ADGRG1: variants seen among roughly 807,000 people sequenced by gnomAD.
The protein encoded by ADGRG1 is 7-transmembrane protein with no EGF-like N-terminal domains-1.
ADGRG1 carries 53 observed loss-of-function variants against 73.5 expected under a neutral mutation model. That is an observed-to-expected ratio of 0.72 (90% CI 0.58 to 0.91). ADGRG1 has a LOEUF of 0.91. Among genes scored for constraint, ADGRG1 ranks in the 40% least tolerant of loss-of-function variants. ADGRG1 has a pLI of 0.00. For missense variants in ADGRG1, 795 were observed against 871.8 expected, an observed-to-expected ratio of 0.91 and a Z score of 1.11; for synonymous variants, 394 against 374.4, an observed-to-expected ratio of 1.05 and a Z score of -0.60.
chr16:57,663,179 C>T, intron 13 of ADGRG1: 1 of 797,170 alleles, frequency 1.3e-6, no homozygotes, highest in Non-Finnish European at 1.5e-6. Context: ...TTTACCTGAG[C>T]CTCCTGGGCC....
chr16:57,624,270 T>A, upstream of ADGRG1: 1 of 500,338 alleles, frequency 2.0e-6, no homozygotes, highest in Non-Finnish European at 2.6e-6. Flanking sequence ...GAGGTCAAGG[T>A]GGGAGGATCG....
chr16:57,652,953 C>A, intron 3 of ADGRG1: 1 of 1,378,308 alleles, frequency 7.3e-7, no homozygotes, highest in South Asian at 1.5e-5. Flanking sequence ...GGGTGCTGAG[C>A]AAGGCACATC....
chr16:57,626,148 C>T (rs1157314252), upstream of ADGRG1, among the ~76,000 whole-genome samples: 2 of 152,154 alleles, frequency 1.3e-5, no homozygotes, highest in African/African-American at 4.8e-5. Context: ...GCCCACACAC[C>T]TGGAGGCCCA....
chr16:57,663,065 A>T, intron 13 of ADGRG1: 2 of 985,362 alleles, frequency 2.0e-6, no homozygotes, highest in Non-Finnish European at 2.4e-6. Context: ...CTGTGGATAC[A>T]TCATAGTGCT....
At position 57,646,117 on chromosome 16, in the gene ADGRG1, T is replaced by A. The variant is rs561068974; in HGVS notation, c.-35-4136T>A. On this transcript the variant is annotated intron_variant, in intron 1 of 13. Transcript: ENST00000562631. ...CGGCAGGAGACAGCAGAGAGGCGCC[T>A]GCCCGGGAAGGGTTAATCCCAGAGC... is the stretch of plus-strand genomic sequence containing the variant. The A allele has an allele frequency of 2.3e-3, 358 of 152,458 alleles. 1 individual carries two copies. The highest frequency in any genetic ancestry group is 3.5e-3 in the Non-Finnish European group (239 of 68,250). 9.4% of individuals were successfully genotyped at this position (152,458 alleles called of 1,614,324 possible).
In ADGRG1 at chr16:57,642,386, C is replaced by T. The variant is rs1206033822; in HGVS notation, c.-35-7867C>T. 6.1e-6 allele frequency: 6 copies of T among 985,246 alleles called. No homozygotes were observed. In the East Asian group the frequency reaches 5.7e-4, roughly 93 times the overall value. 61.0% of individuals were successfully genotyped at this position (985,246 alleles called of 1,614,324 possible). On this transcript the variant is annotated intron_variant, in intron 1 of 13. Transcript: ENST00000562631. ...AGTGTCTCCTCTAGCTCATCTCATG[C>T]TAGCTAATGACCTTTGGGACAGCTC...
At chr16:57,655,158 G>A in intron 5 of ADGRG1, 1 of 985,410 alleles carries the variant, frequency 1.0e-6, no homozygotes, top group Non-Finnish European at 1.2e-6. Flanking sequence ...ACATCATGTG[G>A]TTCTCCCAGG....
intron 1 of ADGRG1, chr16:57,632,989 C>T: frequency 1.0e-6 from 1 of 976,260 alleles, no homozygotes; most frequent in South Asian, 4.7e-5. Flanking sequence ...CCTCTGCCAC[C>T]TCCCAGGCCC....
At chr16:57,656,673 T>A in intron 9 of ADGRG1, 56 bp downstream of exon 9, 2 of 1,031,556 alleles carry the variant, frequency 1.9e-6, no homozygotes, top group Non-Finnish European at 3.1e-6. Context: ...GCTTGTTCTG[T>A]GCAAGCACTT....
At chr16:57,644,276 AC>A (rs1370183745) in intron 1 of ADGRG1, 28 of 765,850 alleles carry the variant, frequency 3.7e-5, no homozygotes, top group Non-Finnish European at 4.3e-5. Flanking sequence ...GGGCACACAC[AC>A]TCATCACACA....
chr16:57,657,178 AG>A (rs1290361869), intron 9 of ADGRG1, 194 bp from the exon 10 acceptor site: 1 of 228,992 alleles, frequency 4.4e-6, no homozygotes, highest in East Asian at 1.8e-4. Flanking sequence ...AAGCCGCTTG[AG>A]AATGTGGTCA....
chr16:57,624,755 C>T, upstream of ADGRG1: 5 of 976,094 alleles, frequency 5.1e-6, no homozygotes, highest in Non-Finnish European at 4.9e-6. Flanking sequence ...TGTCCTGAGG[C>T]TCTCATGTTC....
intron 10 of ADGRG1, chr16:57,658,907 T>G (rs948527000): frequency 8.2e-6 from 8 of 976,840 alleles, no homozygotes; most frequent in Non-Finnish European, 9.7e-6. Context: ...GGGGCCTGCA[T>G]GTTCTGCTGC....
At chr16:57,622,900 C>T, upstream of ADGRG1, 4 of 985,442 alleles carry the variant, frequency 4.1e-6, no homozygotes, top group Non-Finnish European at 4.8e-6. Flanking sequence ...GAACTGCATT[C>T]TGCAGTGGCC....
chr16:57,622,708 C>T (rs1232846639), intron 2 of ADGRG1: 2 of 902,314 alleles, frequency 2.2e-6, no homozygotes, highest in Non-Finnish European at 2.7e-6. Flanking sequence ...ATCCATCCTT[C>T]CTGCCAAGTG....
At chr16:57,642,349 G>C (rs2041053687) in intron 1 of ADGRG1, 1 of 985,232 alleles carries the variant, frequency 1.0e-6, no homozygotes, top group Non-Finnish European at 1.2e-6. Flanking sequence ...GAGTGGCCCT[G>C]GGGAATGCCT....
At chr16:57,640,977 T>C in intron 1 of ADGRG1, 2 of 985,284 alleles carry the variant, frequency 2.0e-6, no homozygotes, top group Non-Finnish European at 2.4e-6. Context: ...ACAACTGAGG[T>C]CCGGCTGTGG....
At chr16:57,639,147 G>T in intron 1 of ADGRG1, 1 of 392,456 alleles carries the variant, frequency 2.5e-6, no homozygotes, top group Non-Finnish European at 3.5e-6. Flanking sequence ...CTGGGGCTCT[G>T]CCTCTCTCGA....
At position 57,651,295 on chromosome 16, in the gene ADGRG1, C is replaced by T; in HGVS notation, c.160C>T (p.Leu54=). The part of the protein sequence containing the change: ...SSLHYKPTPD[L]RISIENSEEA... ...CCTCCACTACAAACCCACACCAGAC[C>T]TGCGCATCTCCATCGAGAACTCCGA... Residue 54 remains leucine, a synonymous_variant, in exon 3 of 14, where the codon CTG becomes TTG. Transcript: ENST00000562631. The T allele has an allele frequency of 6.2e-7, 1 of 1,614,200 alleles. No homozygotes were observed. The highest frequency in any genetic ancestry group is 1.6e-4 in the Middle Eastern group (1 of 6,062).
Sources: gnomAD v4.1 joint callset for allele counts (sites outside exome capture counted in the v4.1 genomes callset) on GRCh38, gnomAD v4.1.1 for gene constraint, MANE v1.5 for transcripts, NCBI Gene and HGNC (gene_info 2026-07-23, HGNC 2026-07-21) for gene names.